Variants in LRRC8B observed in about 807,000 individuals in gnomAD.
LRRC8B encodes leucine rich repeat containing 8 VRAC subunit B.
In LRRC8B, 23 loss-of-function variants were observed where a neutral mutation model predicts 58.8. The observed-to-expected ratio is 0.39, with a 90% CI of 0.28 to 0.55. The LOEUF (loss-of-function observed/expected upper bound fraction) is 0.55. Ranked by LOEUF, LRRC8B falls within the 20% of genes least tolerant of loss-of-function variation. The pLI, the probability that LRRC8B is intolerant of heterozygous loss-of-function variation, is 0.62. For synonymous variants in LRRC8B, 359 were observed against 374.1 expected, an observed-to-expected ratio of 0.96 and a Z score of 0.47; for missense variants, 694 against 936.0, an observed-to-expected ratio of 0.74 and a Z score of 3.37.
intron 4 of LRRC8B, among the ~76,000 whole-genome samples, chr1:89,580,555 C>T (rs1160344048): frequency 6.6e-6 from 1 of 152,110 alleles, no homozygotes; most frequent in African/African-American, 2.4e-5. Flanking sequence ...GAGGTCTAAG[C>T]CCAGGACTTT....
chr1:89,587,140 G>C (rs1173157566), intron 5 of LRRC8B, among the ~76,000 whole-genome samples: 1 of 152,128 alleles, frequency 6.6e-6, no homozygotes, highest in Non-Finnish European at 1.5e-5. Context: ...CACTTGAGGA[G>C]GGAAAAGTCA....
intron 1 of LRRC8B, among the ~76,000 whole-genome samples, chr1:89,529,644 T>C (rs1057039905): frequency 1.3e-5 from 2 of 152,204 alleles, no homozygotes; most frequent in African/African-American, 4.8e-5. Flanking sequence ...AAATCAGTAC[T>C]TATTCTATTT....
At chr1:89,526,195 C>A (rs1466004463) in intron 1 of LRRC8B, among the ~76,000 whole-genome samples, 1 of 152,150 alleles carries the variant, frequency 6.6e-6, no homozygotes, top group African/African-American at 2.4e-5. Flanking sequence ...CTCCTGAGAA[C>A]CCCAAATGCT....
At chr1:89,551,255 G>A (rs1651787335) in intron 1 of LRRC8B, among the ~76,000 whole-genome samples, 1 of 152,156 alleles carries the variant, frequency 6.6e-6, no homozygotes, top group South Asian at 2.1e-4. Context: ...ACAAGAGGAA[G>A]CTTTGGATGG....
intron 1 of LRRC8B, among the ~76,000 whole-genome samples, chr1:89,555,446 G>A (rs1652114952): frequency 6.6e-6 from 1 of 152,190 alleles, no homozygotes; most frequent in East Asian, 1.9e-4. Context: ...TCCAAACAAG[G>A]AGGTCTAATT....
chr1:89,588,346 T>G (rs1382570006), intron 5 of LRRC8B, among the ~76,000 whole-genome samples: 1 of 152,246 alleles, frequency 6.6e-6, no homozygotes, highest in Non-Finnish European at 1.5e-5. Flanking sequence ...TGAATATGCA[T>G]TGTGCTTCTC....
intron 1 of LRRC8B, among the ~76,000 whole-genome samples, chr1:89,540,051 A>G (rs943636468): frequency 6.6e-6 from 1 of 152,212 alleles, no homozygotes; most frequent in Admixed American, 6.5e-5. Flanking sequence ...TATTTTATTT[A>G]TTACATCTTC....
intron 1 of LRRC8B, among the ~76,000 whole-genome samples, chr1:89,536,589 A>G (rs530811287): frequency 1.3e-5 from 2 of 152,306 alleles, no homozygotes; most frequent in African/African-American, 2.4e-5. Context: ...CCCTTTTTGC[A>G]TGAAGCATAT....
intron 5 of LRRC8B, among the ~76,000 whole-genome samples, chr1:89,590,275 G>A (rs1654894224): frequency 6.6e-6 from 1 of 152,178 alleles, no homozygotes; most frequent in Admixed American, 6.5e-5. Flanking sequence ...TGGAGTTCTT[G>A]TAAGCTTCAA....
At chr1:89,570,060 T>C (rs1214412075) in intron 3 of LRRC8B, among the ~76,000 whole-genome samples, 2 of 152,222 alleles carry the variant, frequency 1.3e-5, no homozygotes, top group Non-Finnish European at 2.9e-5. Context: ...ACCATTCTTT[T>C]TTATGGCTGC....
chr1:89,534,273 A>G (rs1420276532), intron 1 of LRRC8B, among the ~76,000 whole-genome samples: 1 of 152,206 alleles, frequency 6.6e-6, no homozygotes, highest in Non-Finnish European at 1.5e-5. Flanking sequence ...TATTATAACT[A>G]TTGGGTTTTA....
At chr1:89,527,924 A>C (rs1649822099) in intron 1 of LRRC8B, among the ~76,000 whole-genome samples, 1 of 152,184 alleles carries the variant, frequency 6.6e-6, no homozygotes, top group South Asian at 2.1e-4. Flanking sequence ...CACAATTTAC[A>C]TTTACTCCTT....
At chr1:89,533,578 C>T (rs886832564) in intron 1 of LRRC8B, among the ~76,000 whole-genome samples, 2 of 152,212 alleles carry the variant, frequency 1.3e-5, no homozygotes, top group Non-Finnish European at 2.9e-5. Flanking sequence ...CTTCTGTCTG[C>T]CTCTCACCCC....
intron 1 of LRRC8B, among the ~76,000 whole-genome samples, chr1:89,555,846 T>C (rs1652146598): frequency 6.6e-6 from 1 of 152,238 alleles, no homozygotes; most frequent in Admixed American, 6.5e-5. Flanking sequence ...AGACTTTTCT[T>C]ATACAGCATC....
chr1:89,584,064 C>A lies in LRRC8B; in HGVS notation c.1414C>A (p.His472Asn). The A allele has an allele frequency of 6.2e-7, 1 of 1,614,114 alleles. No homozygotes were observed. The highest frequency in any genetic ancestry group is 1.1e-5 in the South Asian group (1 of 91,086). The change falls in exon 5 of 6, where the codon CAT becomes AAT. Residue 472 changes from histidine (H) to asparagine (N), a missense_variant. Around this residue, in one of 5 missense-constraint regions of LRRC8B, gnomAD observed 162 missense variants for 198.5 expected, o/e 0.82. Transcript: ENST00000330947. ...CAACCTCAAGGAGCTTCGTGTGTAC[C>A]ATTCATCTCTGGTCGTAGACCATCC... ...LVNLKELRVY[H>N]SSLVVDHPAL...
intron 1 of LRRC8B, among the ~76,000 whole-genome samples, chr1:89,540,136 C>G (rs1650846524): frequency 6.6e-6 from 1 of 152,134 alleles, no homozygotes; most frequent in Non-Finnish European, 1.5e-5. Context: ...ATTCCATCAC[C>G]TGGACAATTA....
chr1:89,547,009 A>G (rs961351279), intron 1 of LRRC8B, among the ~76,000 whole-genome samples: 3 of 152,234 alleles, frequency 2.0e-5, no homozygotes, highest in Admixed American at 6.5e-5. Context: ...TTAAAGTACT[A>G]AAAGTAAAAT....
At chr1:89,551,278 C>A (rs1651789091) in intron 1 of LRRC8B, among the ~76,000 whole-genome samples, 1 of 152,126 alleles carries the variant, frequency 6.6e-6, no homozygotes, top group South Asian at 2.1e-4. Flanking sequence ...GGAAGAGCAC[C>A]ATGTTTGGTG....
At chr1:89,531,440 G>A (rs1017917427) in intron 1 of LRRC8B, among the ~76,000 whole-genome samples, 1 of 152,206 alleles carries the variant, frequency 6.6e-6, no homozygotes, top group African/African-American at 2.4e-5. Flanking sequence ...GGGGCTGAGA[G>A]CATGGCCAAA....
Sources: gnomAD v4.1 joint callset for allele counts (sites outside exome capture counted in the v4.1 genomes callset) on GRCh38, gnomAD v4.1.1 for gene constraint, gnomAD v4.1.1 regional missense constraint, MANE v1.5 for transcripts, NCBI Gene and HGNC (gene_info 2026-07-23, HGNC 2026-07-21) for gene names.